Variants in GCNT2 observed in about 807,000 individuals in gnomAD.
GCNT2 encodes the protein N-acetyllactosaminide beta-1,6-N-acetylglucosaminyl-transferase.
In GCNT2, 34 loss-of-function variants were observed where a neutral mutation model predicts 34.2. That is an observed-to-expected ratio of 1.00 (90% CI 0.76 to 1.32). The LOEUF (loss-of-function observed/expected upper bound fraction) is 1.32, where lower values mean the gene tolerates loss of function less well. Among genes scored for constraint, GCNT2 ranks in the 40% most tolerant of loss-of-function variants. The pLI, the probability that GCNT2 is intolerant of heterozygous loss-of-function variation, is 0.00. For synonymous variants in GCNT2, 212 were observed against 188.0 expected, an observed-to-expected ratio of 1.13 and a Z score of -1.04; for missense variants, 584 against 489.4, an observed-to-expected ratio of 1.19 and a Z score of -1.82.
intron 3 of GCNT2, among the ~76,000 whole-genome samples, chr6:10,534,158 T>TTTTTTTTTTTTTTTTTTTTTTTTTTTG (rs1554126559): frequency 6.8e-6 from 1 of 146,128 alleles, no homozygotes; most frequent in African/African-American, 2.5e-5. Context: ...TTTTTTTTTT[T>TTTTTTTTTTTTTTTTTTTTTTTTTTTG]TAAGATGGAG....
chr6:10,526,034 C>T (rs540347878), intron 1 of GCNT2, among the ~76,000 whole-genome samples: 45 of 152,088 alleles, frequency 3.0e-4, no homozygotes, highest in Non-Finnish European at 5.3e-4. Flanking sequence ...TTTAATCATT[C>T]CTATAGTATT....
intron 3 of GCNT2, among the ~76,000 whole-genome samples, chr6:10,603,881 T>C (rs1581472353): frequency 8.2e-6 from 1 of 121,376 alleles, no homozygotes; most frequent in African/African-American, 2.6e-5. Flanking sequence ...GTTTGTTTTT[T>C]GGTTTGTTGT....
intron 3 of GCNT2, among the ~76,000 whole-genome samples, chr6:10,552,108 A>C (rs1332567328): frequency 6.6e-6 from 1 of 152,062 alleles, no homozygotes. Context: ...CTAGACAACA[A>C]TTTCTTTTGT....
In GCNT2 at chr6:10,527,597, A is replaced by G. The variant is rs1761260843; in HGVS notation, c.-345A>G. 6.6e-6 allele frequency: 1 copy of G among 152,206 alleles called. No homozygotes were observed. Among genetic ancestry groups the G allele is most frequent in the African/African-American group, 2.4e-5 (1 of 41,430 alleles). The allele number at this position is 152,206 out of a possible 1,614,324, so 9.4% of individuals were successfully genotyped here. A position where few individuals can be genotyped will look rare whatever the true frequency, so the allele number is the denominator to read the frequency against. On this transcript the variant is annotated 5_prime_UTR_variant, in exon 2 of 5. Transcript: ENST00000495262. ...TCGTCGCTGACGTTTTAGATGTATA[A>G]TCTGATTGGCATGGACTCACAGAGG...
At position 10,628,654 on chromosome 6, in the gene GCNT2, G is replaced by A; in HGVS notation, c.*2047G>A. 6.6e-6 allele frequency: 1 copy of A among 152,358 alleles called. No individual in the cohort carries two copies. Among genetic ancestry groups the A allele is most frequent in the Non-Finnish European group, 1.5e-5 (1 of 68,056 alleles). 9.4% of individuals were successfully genotyped at this position (152,358 alleles called of 1,614,324 possible). ...CTCAATGTGATGGTATTTGAGATGGGGCCTTTGGTAAGGGAAGTTTAGATG... is the reference window on the plus strand; with the variant it reads ...CTCAATGTGATGGTATTTGAGATGGAGCCTTTGGTAAGGGAAGTTTAGATG... On this transcript the variant is annotated 3_prime_UTR_variant, in exon 5 of 5. Coordinates refer to ENST00000495262, the MANE Select transcript of GCNT2 (RefSeq NM_145649.5).
rs1761349520 is a variant in GCNT2, at chr6:10,529,192, G to A, written c.281G>A (p.Gly94Glu). The A allele has an allele frequency of 6.2e-7, 1 of 1,614,014 alleles. No homozygotes were observed. Among genetic ancestry groups the A allele is most frequent in the East Asian group, 2.2e-5 (1 of 44,902 alleles). The change falls in exon 3 of 5, where the codon GGG (glycine) becomes GAG (glutamate). Residue 94 changes from glycine to glutamate, a missense_variant. Coordinates refer to ENST00000495262, the MANE Select transcript of GCNT2 (RefSeq NM_145649.5). ...VTETLSEEEAGFPLAYTVTIH... is the reference protein window; with the variant it reads ...VTETLSEEEAEFPLAYTVTIH... ...GAAACACTCTCTGAAGAAGAGGCTG[G>A]GTTCCCTTTAGCTTACACAGTGACC...
intron 3 of GCNT2, chr6:10,530,061 G>C: frequency 1.9e-6 from 1 of 514,354 alleles, no homozygotes; most frequent in Non-Finnish European, 3.5e-6. Context: ...AGGAACACTG[G>C]CCATATAAAT....
At chr6:10,587,081 A>ATG (rs1169621733) in intron 3 of GCNT2, among the ~76,000 whole-genome samples, 1 of 152,218 alleles carries the variant, frequency 6.6e-6, no homozygotes, top group African/African-American at 2.4e-5. Flanking sequence ...TCTTATCAAT[A>ATG]TGTGTGATAT....
chr6:10,546,883 CATTA>C (rs1304347870), intron 3 of GCNT2, among the ~76,000 whole-genome samples: 1 of 151,998 alleles, frequency 6.6e-6, no homozygotes, highest in Non-Finnish European at 1.5e-5. Flanking sequence ...CCAGAGATAA[CATTA>C]ATAATATGTT....
At chr6:10,556,399 T>G in intron 3 of GCNT2, 10 of 1,613,430 alleles carry the variant, frequency 6.2e-6, no homozygotes, top group Non-Finnish European at 8.5e-6. Context: ...TGACGGTCTC[T>G]TGACATTTCA....
chr6:10,530,959 C>A (rs1230532521), intron 3 of GCNT2, among the ~76,000 whole-genome samples: 1 of 150,022 alleles, frequency 6.7e-6, no homozygotes, highest in South Asian at 2.1e-4. Flanking sequence ...AAGGCTGAGG[C>A]AGTAGAATCG....
At chr6:10,524,795 C>A (rs1332491448) in intron 1 of GCNT2, among the ~76,000 whole-genome samples, 7 of 151,902 alleles carry the variant, frequency 4.6e-5, no homozygotes, top group African/African-American at 1.7e-4. Flanking sequence ...TGCCGTTGCA[C>A]TCCAGCCTGA....
chr6:10,524,929 CTG>C (rs1392313743), intron 1 of GCNT2, among the ~76,000 whole-genome samples: 1 of 151,980 alleles, frequency 6.6e-6, no homozygotes, highest in Non-Finnish European at 1.5e-5. Flanking sequence ...TGTTCTTCCT[CTG>C]AGACTGCATC....
rs575244683 is a variant in GCNT2 at position 10,626,821 on chromosome 6, A to G, written c.*214A>G. The G allele has an allele frequency of 4.0e-5, 23 of 569,130 alleles. No homozygotes were observed. Among genetic ancestry groups the G allele is most frequent in the African/African-American group, 3.0e-4 (16 of 53,420 alleles). 35.3% of individuals were successfully genotyped at this position (569,130 alleles called of 1,614,324 possible). A position where few individuals can be genotyped will look rare whatever the true frequency, so the allele number is the denominator to read the frequency against. ...TAGAGCAATCTGGGCACTTTGGCCA[A>G]TTTTAGTCTTGCTGTTTCTTGATGC... On this transcript the variant is annotated 3_prime_UTR_variant, in exon 5 of 5. Transcript: ENST00000495262.
chr6:10,622,347 C>G (rs1766070412), intron 4 of GCNT2, among the ~76,000 whole-genome samples: 1 of 151,958 alleles, frequency 6.6e-6, no homozygotes, highest in Admixed American at 6.6e-5. Context: ...AGTCCAAGAT[C>G]CAGGTGTCAG....
chr6:10,563,726 A>G (rs1284300686), intron 3 of GCNT2, among the ~76,000 whole-genome samples: 2 of 140,090 alleles, frequency 1.4e-5, no homozygotes, highest in African/African-American at 5.3e-5. Context: ...TGGGTGACAG[A>G]GTGAGACTCC....
rs191578361 is a variant in GCNT2 at position 10,606,778 on chromosome 6, C to A, written c.926-14573C>A. ...AAACGATAAAGACTAAAATAAAAAT[C>A]ATCACTAAACTCAATACTCAGAGAT... On this transcript the variant is annotated intron_variant, in intron 3 of 4. Coordinates refer to ENST00000495262, the MANE Select transcript of GCNT2 (RefSeq NM_145649.5). Among the ~76,000 whole-genome samples, 712 of 150,394 alleles carry A rather than the reference C, an allele frequency of 4.7e-3. 2 individuals are homozygous for A. The highest frequency in any genetic ancestry group is 7.2e-3 in the Non-Finnish European group (490 of 67,626).
chr6:10,608,980 C>G (rs1360404061), intron 3 of GCNT2, among the ~76,000 whole-genome samples: 1 of 152,148 alleles, frequency 6.6e-6, no homozygotes, highest in African/African-American at 2.4e-5. Context: ...GCCTAAAACC[C>G]CGGTGAATTG....
chr6:10,573,722 TC>T lies in GCNT2; in HGVS notation c.925+43887del, dbSNP rs56352700. Among the ~76,000 whole-genome samples, 290 of 152,298 alleles carry T rather than the reference TC, an allele frequency of 1.9e-3. 2 individuals carry two copies. Among genetic ancestry groups the T allele is most frequent in the African/African-American group, 6.6e-3 (273 of 41,564 alleles). On this transcript the variant is annotated intron_variant, in intron 3 of 4. Coordinates refer to ENST00000495262, the MANE Select transcript of GCNT2 (RefSeq NM_145649.5). ...ACCACCATGCCGCATATTGACCCCATCGTTAGCTTTTTGCAGGTGCACCAGC... is the reference window on the plus strand; with the variant it reads ...ACCACCATGCCGCATATTGACCCCATGTTAGCTTTTTGCAGGTGCACCAGC...
Sources: allele counts gnomAD v4.1 joint callset (sites outside exome capture counted in the v4.1 genomes callset), GRCh38; gene constraint gnomAD v4.1.1; transcripts MANE v1.5; gene names NCBI Gene and HGNC (gene_info 2026-07-23, HGNC 2026-07-21).